The following CCDC7 variants were observed in gnomAD, a reference collection of about 807,000 sequenced individuals.
CCDC7 encodes the protein coiled-coil domain containing 7, also known as coiled-coil domain-containing protein 7.
CCDC7 carries 183 observed loss-of-function variants against 196.9 expected under a neutral mutation model. The observed-to-expected ratio is 0.93, with a 90% CI of 0.82 to 1.05. CCDC7 has a LOEUF of 1.05. CCDC7 is among the 50% of genes least tolerant of loss of function. CCDC7 has a pLI of 0.00. For synonymous variants in CCDC7, 525 were observed against 484.6 expected (o/e 1.08, Z -1.10); for missense variants, 1,540 against 1,482.2 (o/e 1.04, Z -0.64).
Position 32,847,918 on chromosome 10 carries a change from TAAG to T in CCDC7, c.3772+5_3772+7del, listed in dbSNP as rs754787164. ...AGACACAACTAAGGACTCACTATGG[TAAG>T]AATAATAATTTTAAGTCTAATATTT... On this transcript the variant is annotated splice_donor_5th_base_variant and intron_variant, in intron 38 of 41. Transcript: ENST00000639629. 6.4e-7 allele frequency: 1 copy of T among 1,558,950 alleles called. No individual in the cohort carries two copies. The highest frequency in any genetic ancestry group is 1.8e-5 in the Admixed American group (1 of 56,260).
At chr10:32,606,123 G>A (rs1041892413) in intron 18 of CCDC7, among the ~76,000 whole-genome samples, 4 of 152,200 alleles carry the variant, frequency 2.6e-5, no homozygotes, top group African/African-American at 9.7e-5. Context: ...GGGTGCAAAG[G>A]GCCCCAGATA....
At chr10:32,869,653 G>A (rs1593658262) in intron 41 of CCDC7, among the ~76,000 whole-genome samples, 4 of 152,116 alleles carry the variant, frequency 2.6e-5, no homozygotes, top group Non-Finnish European at 5.9e-5. Context: ...TCTATGTCCT[G>A]AATGGTATTG....
intron 16 of CCDC7, among the ~76,000 whole-genome samples, chr10:32,573,465 G>A (rs2137139438): frequency 6.6e-6 from 1 of 152,276 alleles, no homozygotes; most frequent in Non-Finnish European, 1.5e-5. Context: ...TGAAGACATG[G>A]TAAGGCAGTT....
exon 15 of CCDC7, chr10:32,567,682 G>A: frequency 6.2e-7 from 1 of 1,609,194 alleles, no homozygotes; most frequent in African/African-American, 1.3e-5. Context: ...AGCTGAAAAA[G>A]CTAAGCATCA....
At chr10:32,451,617 A>G, upstream of CCDC7, 1 of 1,544,820 alleles carries the variant, frequency 6.5e-7, no homozygotes, top group Non-Finnish European at 8.7e-7. Context: ...TTTCATCTGT[A>G]ATTTGGAAGC....
chr10:32,685,671 T>C (rs1234019372), intron 21 of CCDC7, among the ~76,000 whole-genome samples: 2 of 152,228 alleles, frequency 1.3e-5, no homozygotes, highest in Non-Finnish European at 2.9e-5. Context: ...TACATATGTA[T>C]TTTTATTGTT....
chr10:32,811,275 G>T (rs1319745765), intron 30 of CCDC7, among the ~76,000 whole-genome samples: 1 of 151,860 alleles, frequency 6.6e-6, no homozygotes, highest in African/African-American at 2.4e-5. Flanking sequence ...CTTAAAAAAA[G>T]ATAGAAGATA....
rs1406924114 is a variant in CCDC7, at chr10:32,782,777, G to A, written c.3013+3693G>A. On this transcript the variant is annotated intron_variant, in intron 29 of 41. Coordinates refer to ENST00000639629, the Ensembl canonical transcript of CCDC7. Reference sequence around the variant, plus strand: ...CTATAAAGCTACAGTAATCAAAAGAGTGATATACTGGCATAAAGCAGACAT... The same window carrying A: ...CTATAAAGCTACAGTAATCAAAAGAATGATATACTGGCATAAAGCAGACAT... Among the ~76,000 whole-genome samples the A allele has an allele frequency of 2.6e-5, 4 of 152,188 alleles. No homozygotes were observed. The East Asian group carries it at 5.8e-4, about 22-fold the overall frequency.
chr10:32,585,964 T>A (rs2059228019), intron 18 of CCDC7, among the ~76,000 whole-genome samples: 1 of 152,206 alleles, frequency 6.6e-6, no homozygotes, highest in Non-Finnish European at 1.5e-5. Flanking sequence ...TCTTCCACAA[T>A]GGTTGAACTA....
intron 18 of CCDC7, among the ~76,000 whole-genome samples, chr10:32,608,074 A>G (rs1021734849): frequency 2.6e-5 from 4 of 151,970 alleles, no homozygotes; most frequent in Non-Finnish European, 5.9e-5. Flanking sequence ...CATCTCTTCC[A>G]CGTTTTCCAA....
At chr10:32,678,647 A>G (rs2075389459) in intron 21 of CCDC7, among the ~76,000 whole-genome samples, 1 of 152,114 alleles carries the variant, frequency 6.6e-6, no homozygotes, top group Non-Finnish European at 1.5e-5. Flanking sequence ...GTGGTGCAGT[A>G]TAAGTAGGCC....
upstream of CCDC7, among the ~76,000 whole-genome samples, chr10:32,451,183 A>G (rs780383233): frequency 6.6e-6 from 1 of 152,178 alleles, no homozygotes; most frequent in Non-Finnish European, 1.5e-5. Context: ...TTTGTAGCCA[A>G]TTTGACCTAT....
chr10:32,743,905 G>A (rs193062196), intron 28 of CCDC7, among the ~76,000 whole-genome samples: 3 of 145,058 alleles, frequency 2.1e-5, no homozygotes, highest in East Asian at 2.1e-4. Flanking sequence ...ACCAAACACC[G>A]CATATTCTCA....
chr10:32,491,989 G>T (rs776517599), exon 9 of CCDC7: 5 of 1,566,008 alleles, frequency 3.2e-6, no homozygotes, highest in African/African-American at 2.8e-5. Context: ...AGGCAAATAT[G>T]TTGGAGAGGT....
chr10:32,444,944 C>T (rs184958714), upstream of CCDC7, among the ~76,000 whole-genome samples: 297 of 151,924 alleles, frequency 2.0e-3, 1 homozygote, highest in Middle Eastern at 0.024. Flanking sequence ...ACCTCCACCT[C>T]CTGGGTTCAA....
Position 32,848,646 on chromosome 10 carries a change from A to C in CCDC7, c.3823A>C (p.Ile1275Leu), listed in dbSNP as rs147960375. Residue 1275 changes from isoleucine (I) to leucine (L), a missense_variant, in exon 39 of 42, where the codon ATC becomes CTC. Ile to Leu is a conservative substitution (Grantham distance 5). Transcript: ENST00000639629. ...TATGTCCGTACAACGTCAAGAAGGTATCTTTACTAGGAGCATTACACCAAG... is the reference window on the plus strand; with the variant it reads ...TATGTCCGTACAACGTCAAGAAGGTCTCTTTACTAGGAGCATTACACCAAG... 6.9e-4 allele frequency: 1,047 copies of C among 1,528,444 alleles called. No individual in the cohort carries two copies. The highest frequency in any genetic ancestry group is 9.0e-4 in the Non-Finnish European group (996 of 1,100,812). 94.7% of individuals were successfully genotyped at this position (1,528,444 alleles called of 1,614,324 possible).
intron 12 of CCDC7, 71 bp from the exon 14 acceptor site, chr10:32,544,173 GTCC>G: frequency 3.2e-6 from 4 of 1,263,754 alleles, no homozygotes; most frequent in Non-Finnish European, 4.4e-6. Flanking sequence ...CGTTTAAAAA[GTCC>G]TCCTCAAGAA....
At chr10:32,698,175 C>T (rs1375514459) in intron 24 of CCDC7, among the ~76,000 whole-genome samples, 2 of 152,038 alleles carry the variant, frequency 1.3e-5, no homozygotes, top group African/African-American at 2.4e-5. Flanking sequence ...AAACAACATC[C>T]ACAACAAAAC....
chr10:32,506,184 A>G (rs1160025304), intron 9 of CCDC7, among the ~76,000 whole-genome samples: 4 of 110,048 alleles, frequency 3.6e-5, no homozygotes, highest in African/African-American at 1.1e-4. Context: ...CATTCGGGGC[A>G]GCCAGGCAGA....
Sources: allele counts gnomAD v4.1 joint callset (sites outside exome capture counted in the v4.1 genomes callset), GRCh38; gene constraint gnomAD v4.1.1; transcripts MANE v1.5; gene names NCBI Gene and HGNC (gene_info 2026-07-23, HGNC 2026-07-21).